GALNT13: variants seen among roughly 807,000 people sequenced by gnomAD.
GALNT13 encodes UDP-GalNAc:polypeptide N-acetylgalactosaminyltransferase 13.
Under a neutral mutation model 64.2 loss-of-function variants are expected in GALNT13, and 28 were observed. The ratio of observed to expected loss-of-function variants is 0.44; its 90% confidence interval spans 0.32 to 0.60. GALNT13 has a LOEUF of 0.60. Ranked by LOEUF, GALNT13 falls within the 20% of genes least tolerant of loss-of-function variation. GALNT13 has a pLI of 0.05. For missense variants in GALNT13, 577 were observed against 669.8 expected, an observed-to-expected ratio of 0.86 and a Z score of 1.53; for synonymous variants, 214 against 224.6, an observed-to-expected ratio of 0.95 and a Z score of 0.42.
At chr2:153,175,744 G>A in the GALNT13 span, among the ~76,000 whole-genome samples, 1 of 152,130 alleles carries the variant, frequency 6.6e-6, no homozygotes, top group Non-Finnish European at 1.5e-5. Flanking sequence ...TTAAATGTAA[G>A]GGAGAGTTGT....
At chr2:153,512,429 T>A in the GALNT13 span, among the ~76,000 whole-genome samples, 1 of 152,110 alleles carries the variant, frequency 6.6e-6, no homozygotes, top group East Asian at 1.9e-4. Flanking sequence ...TTACACTAGA[T>A]GAGAGTGAAA....
chr2:153,973,980 A>G (rs1008245695), intron 3 of GALNT13, among the ~76,000 whole-genome samples: 1 of 152,044 alleles, frequency 6.6e-6, no homozygotes, highest in Non-Finnish European at 1.5e-5. Context: ...AAGCTGAAGA[A>G]CAATTTGATG....
At chr2:153,391,452 C>CTTT in the GALNT13 span, among the ~76,000 whole-genome samples, 1 of 151,884 alleles carries the variant, frequency 6.6e-6, no homozygotes, top group African/African-American at 2.4e-5. Flanking sequence ...TGTGACTAAC[C>CTTT]ACTTGTAAAG....
chr2:153,442,212 T>G, the GALNT13 span, among the ~76,000 whole-genome samples: 1 of 152,144 alleles, frequency 6.6e-6, no homozygotes, highest in Non-Finnish European at 1.5e-5. Context: ...AATCATGTGG[T>G]TTTTGTCATT....
At chr2:153,344,792 T>C in the GALNT13 span, among the ~76,000 whole-genome samples, 1 of 152,204 alleles carries the variant, frequency 6.6e-6, no homozygotes, top group African/African-American at 2.4e-5. Context: ...GTGATGGATA[T>C]ATTAATTAGC....
At chr2:154,378,605 T>G (rs1698111484) in intron 9 of GALNT13, among the ~76,000 whole-genome samples, 1 of 152,102 alleles carries the variant, frequency 6.6e-6, no homozygotes, top group African/African-American at 2.4e-5. Context: ...AAATGTGAAT[T>G]TTTAAGTCAC....
intron 3 of GALNT13, among the ~76,000 whole-genome samples, chr2:154,060,756 C>T (rs1328916526): frequency 6.6e-6 from 1 of 151,988 alleles, no homozygotes; most frequent in African/African-American, 2.4e-5. Flanking sequence ...AGAGCTTGAC[C>T]TAATGGGGCT....
chr2:154,405,583 C>CT (rs1699494578), intron 10 of GALNT13, among the ~76,000 whole-genome samples: 1 of 72,530 alleles, frequency 1.4e-5, no homozygotes, highest in Non-Finnish European at 3.0e-5. Context: ...CCCATCTCTT[C>CT]TAAAAAAAAA....
the GALNT13 span, among the ~76,000 whole-genome samples, chr2:153,858,470 T>A: frequency 1.3e-5 from 2 of 152,188 alleles, no homozygotes; most frequent in African/African-American, 4.8e-5. Context: ...CCCCTCTTAT[T>A]TTTGGTTTCA....
the GALNT13 span, among the ~76,000 whole-genome samples, chr2:153,666,375 G>A: frequency 1.2e-4 from 18 of 151,818 alleles, no homozygotes; most frequent in South Asian, 2.1e-4. Context: ...CTGTGCCACC[G>A]TCCTGCTGCT....
chr2:154,341,427 G>A (rs1229809876), intron 9 of GALNT13, among the ~76,000 whole-genome samples: 1 of 152,128 alleles, frequency 6.6e-6, no homozygotes, highest in African/African-American at 2.4e-5. Flanking sequence ...GGTGTGGAAT[G>A]CAGTGTTAAA....
Position 153,913,115 on chromosome 2 carries a change from A to G in GALNT13, c.-105+12108A>G, listed in dbSNP as rs142861330. On this transcript the variant is annotated intron_variant, in intron 2 of 12. Transcript: ENST00000392825. ...GGGCGCAGGACTGTGCATGCCCTCT[A>G]TGCATGTTCACACTGGTGGTGGTGG... Among the ~76,000 whole-genome samples the G allele has an allele frequency of 1.2e-4, 18 of 152,220 alleles. No homozygotes were observed. The East Asian group carries it at 3.5e-3, about 29-fold the overall frequency.
chr2:154,448,692 A>G (rs918747927), intron 12 of GALNT13, among the ~76,000 whole-genome samples: 1 of 152,044 alleles, frequency 6.6e-6, no homozygotes, highest in Non-Finnish European at 1.5e-5. Context: ...CATCTATTCA[A>G]CATGTTCCTT....
At chr2:153,204,580 T>G in the GALNT13 span, among the ~76,000 whole-genome samples, 1 of 152,214 alleles carries the variant, frequency 6.6e-6, no homozygotes, top group Non-Finnish European at 1.5e-5. Flanking sequence ...TCAGAAATTC[T>G]TAGTCCAACT....
chr2:153,530,158 C>T, the GALNT13 span, among the ~76,000 whole-genome samples: 1 of 151,736 alleles, frequency 6.6e-6, no homozygotes, highest in South Asian at 2.1e-4. Context: ...CTAAAGACTC[C>T]ACCAAAAACT....
intron 3 of GALNT13, among the ~76,000 whole-genome samples, chr2:154,119,655 C>A (rs1332387063): frequency 6.6e-6 from 1 of 152,052 alleles, no homozygotes; most frequent in Non-Finnish European, 1.5e-5. Flanking sequence ...TGGATTATTT[C>A]AAATTGTCTG....
the GALNT13 span, among the ~76,000 whole-genome samples, chr2:153,129,232 G>A: frequency 1.3e-5 from 2 of 152,202 alleles, no homozygotes; most frequent in Non-Finnish European, 2.9e-5. Context: ...GGTCTTGCTC[G>A]AGGGTTTCAT....
chr2:153,480,667 GA>G, the GALNT13 span, among the ~76,000 whole-genome samples: 1 of 152,072 alleles, frequency 6.6e-6, no homozygotes, highest in Non-Finnish European at 1.5e-5. Context: ...TGTATACATG[GA>G]AAAAATTACA....
chr2:154,185,736 C>T (rs1573833231), intron 4 of GALNT13, among the ~76,000 whole-genome samples: 1 of 151,882 alleles, frequency 6.6e-6, no homozygotes, highest in Non-Finnish European at 1.5e-5. Flanking sequence ...ATATTGCTCA[C>T]TTATTGTTTT....
Sources: gnomAD v4.1 joint callset for allele counts (sites outside exome capture counted in the v4.1 genomes callset) on GRCh38, gnomAD v4.1.1 for gene constraint, MANE v1.5 for transcripts, NCBI Gene and HGNC (gene_info 2026-07-23, HGNC 2026-07-21) for gene names.